The following DYM variants were observed in gnomAD, a reference collection of about 807,000 sequenced individuals.
DYM encodes the protein dymeclin, also known as dyggve-Melchior-Clausen syndrome protein.
A neutral mutation model predicts 93.1 loss-of-function variants in DYM; 78 were observed. The ratio of observed to expected loss-of-function variants is 0.84; its 90% CI spans 0.70 to 1.01. The LOEUF is 1.01. Ranked by LOEUF, DYM falls within the 50% of genes least tolerant of loss-of-function variation. DYM has a pLI of 0.00. For synonymous variants in DYM, 321 were observed against 319.7 expected (o/e 1.00, Z -0.04); for missense variants, 789 against 845.0 (o/e 0.93, Z 0.82).
intron 15 of DYM, among the ~76,000 whole-genome samples, chr18:49,157,877 T>C (rs919185192): frequency 2.0e-5 from 3 of 152,238 alleles, no homozygotes; most frequent in Non-Finnish European, 4.4e-5. Context: ...ATTCTAAAAG[T>C]TGTATAATGT....
intron 10 of DYM, 96 bp downstream of exon 10, chr18:49,281,901 T>C (rs113906249): frequency 3.3e-6 from 4 of 1,222,400 alleles, no homozygotes; most frequent in Non-Finnish European, 4.6e-6. Flanking sequence ...CATGTATACA[T>C]ATGTAACTAA....
At chr18:49,092,356 G>A (rs2079124156) in intron 17 of DYM, among the ~76,000 whole-genome samples, 1 of 152,162 alleles carries the variant, frequency 6.6e-6, no homozygotes, top group Non-Finnish European at 1.5e-5. Flanking sequence ...CTTTAAGACA[G>A]AGAAGGTCAA....
intron 13 of DYM, among the ~76,000 whole-genome samples, chr18:49,221,271 G>T (rs1247203949): frequency 2.0e-5 from 3 of 152,080 alleles, no homozygotes; most frequent in African/African-American, 7.3e-5. Context: ...TGCTGGAGAG[G>T]ATGTGGAGAA....
intron 11 of DYM, among the ~76,000 whole-genome samples, chr18:49,265,515 A>C (rs2094554645): frequency 1.3e-5 from 2 of 152,224 alleles, no homozygotes; most frequent in South Asian, 4.1e-4. Flanking sequence ...ACAGTGGCTC[A>C]CGCCTGTAAT....
chr18:49,110,490 G>GC (rs1555763004), intron 16 of DYM, among the ~76,000 whole-genome samples: 8 of 147,382 alleles, frequency 5.4e-5, no homozygotes, highest in Admixed American at 5.4e-4. Flanking sequence ...GTAAGATTTT[G>GC]TTTTTTTTTC....
Position 49,391,581 on chromosome 18 carries a change from T to C in DYM, c.193+12A>G. 1 of 1,613,218 alleles carries C rather than the reference T, an allele frequency of 6.2e-7. No homozygotes were observed. The highest frequency in any genetic ancestry group is 8.5e-7 in the Non-Finnish European group (1 of 1,179,340). On this transcript the variant is annotated intron_variant, in intron 3 of 17. Coordinates refer to ENST00000675505, the MANE Select transcript of DYM (RefSeq NM_001353214.3). Reference sequence around the variant, plus strand: ...TTGAAAACAACACCCCACACACATTTTTCCCACTTACCTAATGACCTGCAG... The same window carrying C: ...TTGAAAACAACACCCCACACACATTCTTCCCACTTACCTAATGACCTGCAG...
At chr18:49,122,539 G>A (rs2082472242) in intron 15 of DYM, among the ~76,000 whole-genome samples, 1 of 152,144 alleles carries the variant, frequency 6.6e-6, no homozygotes, top group Non-Finnish European at 1.5e-5. Flanking sequence ...ATGCTGGGGA[G>A]CAGCTGCAAA....
At position 49,288,651 on chromosome 18, in the gene DYM, T is replaced by C. The variant is rs142082662; in HGVS notation, c.764-2035A>G. ...AAAATTAGCCAGGTGTGGTGGTACA[T>C]GCCTGATACTCCCAGCTACTTGGGA... On this transcript the variant is annotated intron_variant, in intron 8 of 17. Transcript: ENST00000675505. Among the ~76,000 whole-genome samples the C allele has an allele frequency of 3.5e-3, 530 of 152,022 alleles. 2 individuals carry two copies. The highest frequency in any genetic ancestry group is 6.6e-3 in the Non-Finnish European group (446 of 67,966).
At chr18:49,216,672 A>G (rs966641397) in intron 13 of DYM, among the ~76,000 whole-genome samples, 1 of 152,210 alleles carries the variant, frequency 6.6e-6, no homozygotes, top group Non-Finnish European at 1.5e-5. Flanking sequence ...AGCAAACTCC[A>G]ACAGACCTGC....
intron 8 of DYM, among the ~76,000 whole-genome samples, chr18:49,311,684 A>T (rs2061599355): frequency 7.5e-6 from 1 of 133,808 alleles, no homozygotes; most frequent in South Asian, 2.4e-4. Context: ...CAAGGAGAAC[A>T]CTTGGACACA....
intron 5 of DYM, among the ~76,000 whole-genome samples, chr18:49,377,691 C>T (rs74663272): frequency 0.091 from 13,916 of 152,198 alleles, 868 homozygotes; most frequent in East Asian, 0.31. Flanking sequence ...CTCTTTTATA[C>T]GTTTGTTTCC....
rs542840705 is a variant in DYM, at chr18:49,433,776, G to A, written c.-53-3329C>T. Among the ~76,000 whole-genome samples, 4 of 152,242 alleles carry A rather than the reference G, an allele frequency of 2.6e-5. No homozygotes were observed. The East Asian group carries it at 7.7e-4, about 29-fold the overall frequency. The stretch of plus-strand genomic sequence containing the variant: ...CCAGCTCCTCAGGAGGCTAAGGCAC[G>A]AGAATCACCTGAACCTGGGAAGTGG... On this transcript the variant is annotated intron_variant, in intron 1 of 17. Coordinates refer to ENST00000675505, the MANE Select transcript of DYM (RefSeq NM_001353214.3).
chr18:49,221,572 A>G (rs560484075), intron 13 of DYM, among the ~76,000 whole-genome samples: 4 of 152,362 alleles, frequency 2.6e-5, no homozygotes, highest in Non-Finnish European at 4.4e-5. Context: ...AATACTATGC[A>G]GCCATAAAAG....
chr18:49,060,480 C>T (rs947130870), intron 17 of DYM, among the ~76,000 whole-genome samples: 11 of 151,596 alleles, frequency 7.3e-5, no homozygotes, highest in African/African-American at 2.7e-4. Context: ...CTACAAAGTG[C>T]CTGGCTGGAC....
intron 14 of DYM, among the ~76,000 whole-genome samples, chr18:49,165,542 G>A (rs901842978): frequency 6.6e-6 from 1 of 151,846 alleles, no homozygotes; most frequent in Non-Finnish European, 1.5e-5. Flanking sequence ...TTGAAGACAG[G>A]GCCACTAAGT....
intron 8 of DYM, among the ~76,000 whole-genome samples, chr18:49,330,455 GT>G (rs2063228068): frequency 6.6e-6 from 1 of 152,012 alleles, no homozygotes; most frequent in Non-Finnish European, 1.5e-5. Context: ...TTAAATTCAT[GT>G]TTTTTGGCAC....
At chr18:49,441,245 AATATTG>A (rs2081526121) in intron 1 of DYM, among the ~76,000 whole-genome samples, 1 of 37,680 alleles carries the variant, frequency 2.7e-5, no homozygotes, top group African/African-American at 9.8e-5. Context: ...TAATATACAT[AATATTG>A]TTATATATAA....
intron 8 of DYM, among the ~76,000 whole-genome samples, chr18:49,302,636 G>A (rs1172947636): frequency 6.6e-6 from 1 of 152,126 alleles, no homozygotes; most frequent in Admixed American, 6.5e-5. Context: ...AAGAAGAGAA[G>A]TAAGGGGGAA....
intron 17 of DYM, among the ~76,000 whole-genome samples, chr18:49,083,100 G>C (rs2145230491): frequency 6.6e-6 from 1 of 152,220 alleles, no homozygotes; most frequent in Admixed American, 6.5e-5. Context: ...TATGATCTTT[G>C]TCACAACTAC....
Sources: gnomAD v4.1 joint callset for allele counts (sites outside exome capture counted in the v4.1 genomes callset) on GRCh38, gnomAD v4.1.1 for gene constraint, MANE v1.5 for transcripts, NCBI Gene and HGNC (gene_info 2026-07-23, HGNC 2026-07-21) for gene names.